Variants in GREB1 observed in about 807,000 individuals in gnomAD.
The protein encoded by GREB1 is protein GREB1.
Under a neutral mutation model 200.7 loss-of-function variants are expected in GREB1, and 106 were observed. The observed-to-expected ratio is 0.53, with a 90% confidence interval of 0.45 to 0.62. The LOEUF (loss-of-function observed/expected upper bound fraction) is 0.62, where lower values mean the gene tolerates loss of function less well. Ranked by LOEUF, GREB1 falls within the 20% of genes least tolerant of loss-of-function variation. The pLI is 0.00. For synonymous variants in GREB1, 1,132 were observed against 1,092.4 expected (o/e 1.04, Z -0.72); for missense variants, 2,243 against 2,556.8 (o/e 0.88, Z 2.65).
At chr2:11,543,882 G>A (rs186750919) in intron 1 of GREB1, among the ~76,000 whole-genome samples, 3 of 152,114 alleles carry the variant, frequency 2.0e-5, no homozygotes, top group Non-Finnish European at 4.4e-5. Context: ...GGGTATTGAC[G>A]CCCGTCTGTG....
intron 1 of GREB1, among the ~76,000 whole-genome samples, chr2:11,520,499 C>G (rs1422194900): frequency 4.6e-5 from 7 of 152,170 alleles, no homozygotes; most frequent in Non-Finnish European, 7.3e-5. Context: ...CTGGCCATTC[C>G]TAGCTTCTAG....
At chr2:11,527,094 A>G (rs998924352) in intron 1 of GREB1, among the ~76,000 whole-genome samples, 3 of 152,182 alleles carry the variant, frequency 2.0e-5, no homozygotes, top group Admixed American at 6.5e-5. Context: ...TGTATACATC[A>G]CTATAGTCAT....
intron 22 of GREB1, among the ~76,000 whole-genome samples, chr2:11,619,204 G>A (rs532255113): frequency 3.7e-4 from 57 of 152,258 alleles, no homozygotes; most frequent in African/African-American, 2.2e-4. Flanking sequence ...CATCTCACTC[G>A]GCCACTGCCC....
chr2:11,490,831 G>T (rs1345061923), intron 1 of GREB1, among the ~76,000 whole-genome samples: 1 of 152,182 alleles, frequency 6.6e-6, no homozygotes. Flanking sequence ...TTACAGGGGT[G>T]AGCCACCACA....
intron 1 of GREB1, among the ~76,000 whole-genome samples, chr2:11,519,448 G>GGTT (rs1673628604): frequency 1.1e-5 from 1 of 90,170 alleles, no homozygotes; most frequent in Non-Finnish European, 2.1e-5. Flanking sequence ...TACTTGTTTT[G>GGTT]GTTTTTTTTT....
chr2:11,519,115 A>G (rs1673616384), intron 1 of GREB1, among the ~76,000 whole-genome samples: 2 of 151,722 alleles, frequency 1.3e-5, no homozygotes, highest in South Asian at 4.2e-4. Context: ...AAAAAAAAAA[A>G]GGAAAAATCC....
At chr2:11,571,241 A>C (rs1411055390) in intron 4 of GREB1, among the ~76,000 whole-genome samples, 1 of 152,130 alleles carries the variant, frequency 6.6e-6, no homozygotes, top group East Asian at 1.9e-4. Context: ...ATTAGTTGCT[A>C]GGTATAGTGT....
chr2:11,583,167 A>C (rs993073815), intron 7 of GREB1, among the ~76,000 whole-genome samples: 7 of 152,166 alleles, frequency 4.6e-5, no homozygotes, highest in African/African-American at 1.7e-4. Context: ...ATTTAGAACT[A>C]TTTATAGGGT....
chr2:11,561,467 A>G (rs2358038), intron 2 of GREB1, among the ~76,000 whole-genome samples: 5,646 of 150,864 alleles, frequency 0.037, 215 homozygotes, highest in African/African-American at 0.09. Flanking sequence ...AGGTTCAAGC[A>G]ATTCTCCTGC....
At chr2:11,552,878 C>CGG (rs1676037939) in intron 1 of GREB1, among the ~76,000 whole-genome samples, 2 of 151,932 alleles carry the variant, frequency 1.3e-5, no homozygotes, top group East Asian at 1.9e-4. Context: ...GGCATGGTGG[C>CGG]GCACGCCTGT....
intron 6 of GREB1, among the ~76,000 whole-genome samples, chr2:11,579,786 A>T (rs1679274558): frequency 6.6e-6 from 1 of 152,104 alleles, no homozygotes; most frequent in South Asian, 2.1e-4. Flanking sequence ...GCCCCAGGAG[A>T]CCAGAAGCCA....
intron 1 of GREB1, among the ~76,000 whole-genome samples, chr2:11,515,629 T>C (rs1033248669): frequency 6.6e-6 from 1 of 152,140 alleles, no homozygotes; most frequent in East Asian, 1.9e-4. Context: ...ACCTGGTGGC[T>C]TCAAGGTGGT....
intron 4 of GREB1, among the ~76,000 whole-genome samples, chr2:11,574,963 T>C (rs1483925896): frequency 6.6e-6 from 1 of 152,240 alleles, no homozygotes; most frequent in Non-Finnish European, 1.5e-5. Context: ...TCCTTATTTC[T>C]AACGCCTTTT....
intron 24 of GREB1, among the ~76,000 whole-genome samples, chr2:11,626,003 G>T (rs1191085145): frequency 1.3e-5 from 2 of 152,060 alleles, no homozygotes; most frequent in Admixed American, 1.3e-4. Flanking sequence ...ATTGCATCTC[G>T]TGAAAATTAT....
Position 11,640,033 on chromosome 2 carries a change from C to T in GREB1, c.5687-258C>T, listed in dbSNP as rs1230986587. ...TCCACCAGCCTCTCTCCTTCCTCTC[C>T]GCACCTCGGTTCAGTCCCTGCTCGG... On this transcript the variant is annotated intron_variant, in intron 32 of 32. Coordinates refer to ENST00000381486, the MANE Select transcript of GREB1 (RefSeq NM_014668.4). The surrounding 1 kb of genome is among the most constrained non-coding windows in gnomAD (Gnocchi z 4.6). Among the ~76,000 whole-genome samples the T allele has an allele frequency of 1.3e-5, 2 of 152,114 alleles. No individual in the cohort carries two copies. The highest frequency in any genetic ancestry group is 6.5e-5 in the Admixed American group (1 of 15,276).
chr2:11,587,518 G>T, intron 9 of GREB1: 1 of 1,570,944 alleles, frequency 6.4e-7, no homozygotes, highest in Non-Finnish European at 8.7e-7. Flanking sequence ...CAGAAGCCCT[G>T]GGTGGCACCA....
chr2:11,524,994 G>A (rs560274885), intron 1 of GREB1, among the ~76,000 whole-genome samples: 3 of 152,118 alleles, frequency 2.0e-5, no homozygotes, highest in Non-Finnish European at 2.9e-5. Context: ...TTTGGAAAGC[G>A]GACTACACTT....
intron 13 of GREB1, among the ~76,000 whole-genome samples, chr2:11,596,862 G>T (rs1681309039): frequency 1.5e-5 from 2 of 136,782 alleles, no homozygotes; most frequent in Admixed American, 7.3e-5. Context: ...GGTGTGTACA[G>T]TGAGAGGGGT....
At chr2:11,599,020 C>G (rs1681518872) in intron 15 of GREB1, among the ~76,000 whole-genome samples, 160 bp downstream of exon 15, 1 of 152,156 alleles carries the variant, frequency 6.6e-6, no homozygotes, top group Non-Finnish European at 1.5e-5. Flanking sequence ...CAATCTTGAG[C>G]TGGAAGTTAT....
Sources: allele counts gnomAD v4.1 joint callset (sites outside exome capture counted in the v4.1 genomes callset), GRCh38; gene constraint gnomAD v4.1.1; non-coding constraint Gnocchi (gnomAD v3.1); transcripts MANE v1.5; gene names NCBI Gene and HGNC (gene_info 2026-07-23, HGNC 2026-07-21).